Variants in OPCML observed in about 807,000 individuals in gnomAD.
OPCML encodes the protein opioid binding protein/cell adhesion molecule like, also known as opioid-binding protein/cell adhesion molecule.
A neutral mutation model predicts 37.8 loss-of-function variants in OPCML; 13 were observed. That is an observed-to-expected ratio of 0.34 (90% CI 0.22 to 0.55). OPCML has a LOEUF of 0.55. Among genes scored for constraint, OPCML ranks in the 20% least tolerant of loss-of-function variants. The pLI is 0.91. For missense variants in OPCML, 341 were observed against 435.6 expected (o/e 0.78, Z 1.93); for synonymous variants, 176 against 168.8 (o/e 1.04, Z -0.33).
chr11:133,479,635 G>A (rs1055282150), intron 1 of OPCML, among the ~76,000 whole-genome samples: 41 of 152,158 alleles, frequency 2.7e-4, no homozygotes, highest in Admixed American at 6.5e-5. Context: ...CAGGTCAAGC[G>A]TCACACAATT....
chr11:133,393,950 C>T (rs570161299), intron 1 of OPCML, among the ~76,000 whole-genome samples: 1 of 152,342 alleles, frequency 6.6e-6, no homozygotes, highest in East Asian at 1.9e-4. Flanking sequence ...CCAAGTGGCC[C>T]AGGCCTGAGG....
At chr11:132,510,685 T>G (rs2096266964) in intron 4 of OPCML, among the ~76,000 whole-genome samples, 1 of 152,212 alleles carries the variant, frequency 6.6e-6, no homozygotes, top group African/African-American at 2.4e-5. Flanking sequence ...CTTGCCATGA[T>G]TCTGAGGCTT....
At chr11:132,963,436 C>CA (rs1946137630) in intron 1 of OPCML, among the ~76,000 whole-genome samples, 1 of 151,728 alleles carries the variant, frequency 6.6e-6, no homozygotes, top group South Asian at 2.1e-4. Flanking sequence ...CTAAAAAATA[C>CA]AAAAAATTAG....
intron 2 of OPCML, among the ~76,000 whole-genome samples, chr11:132,885,821 C>T (rs1322777596): frequency 6.6e-6 from 1 of 152,130 alleles, no homozygotes; most frequent in Admixed American, 6.5e-5. Flanking sequence ...ATAAATTTCT[C>T]TTGGCATGTA....
At chr11:133,367,276 C>T (rs961032495) in intron 1 of OPCML, among the ~76,000 whole-genome samples, 1 of 152,186 alleles carries the variant, frequency 6.6e-6, no homozygotes, top group Non-Finnish European at 1.5e-5. Context: ...CACACCCAGC[C>T]GGAATGCAGG....
rs774267869 is a variant in OPCML, at chr11:133,174,825, G to T, written c.62-231815C>A. 2.6e-5 allele frequency among the ~76,000 whole-genome samples: 4 copies of T among 152,152 alleles called. No homozygotes were observed. The highest frequency in any genetic ancestry group is 5.9e-5 in the Non-Finnish European group (4 of 68,036). ...GTATACTTCGTGTGCACTAGAAAAA[G>T]AGTACTTTAAAATAACCTGTAATCC... On this transcript the variant is annotated intron_variant, in intron 1 of 7. Transcript: ENST00000524381. This position sits in a 1 kb window ranked among gnomAD's most constrained non-coding sequence, Gnocchi z 4.6.
intron 3 of OPCML, among the ~76,000 whole-genome samples, chr11:132,554,878 T>G (rs1457043926): frequency 7.3e-6 from 1 of 137,896 alleles, no homozygotes; most frequent in African/African-American, 2.7e-5. Flanking sequence ...TTTTTTTTTT[T>G]TTTTTTTTTT....
intron 1 of OPCML, among the ~76,000 whole-genome samples, chr11:133,464,214 A>G (rs527389643): frequency 1.3e-5 from 2 of 152,320 alleles, no homozygotes; most frequent in South Asian, 4.1e-4. Flanking sequence ...GCAAAACTCC[A>G]ACATTTAAAG....
intron 4 of OPCML, among the ~76,000 whole-genome samples, chr11:132,470,776 G>T (rs781415480): frequency 1.3e-5 from 2 of 152,152 alleles, no homozygotes; most frequent in African/African-American, 2.4e-5. Context: ...AACCCAGATT[G>T]TCTGGTTCCC....
At chr11:132,813,509 G>A (rs1939463336) in intron 2 of OPCML, among the ~76,000 whole-genome samples, 1 of 152,110 alleles carries the variant, frequency 6.6e-6, no homozygotes, top group Non-Finnish European at 1.5e-5. Flanking sequence ...CCCATCATCA[G>A]CACCACGGTG....
intron 3 of OPCML, among the ~76,000 whole-genome samples, chr11:132,609,663 G>A (rs1211604268): frequency 6.6e-6 from 1 of 152,148 alleles, no homozygotes; most frequent in South Asian, 2.1e-4. Context: ...ACCCATCCAG[G>A]AAAGCTTTCT....
intron 1 of OPCML, chr11:133,421,197 G>T (rs1945878692): frequency 2.0e-6 from 2 of 985,286 alleles, no homozygotes; most frequent in African/African-American, 3.5e-5. Flanking sequence ...CAGTTGCAAG[G>T]GAAAGAGCAA....
At chr11:132,506,997 A>G (rs2096258489) in intron 4 of OPCML, among the ~76,000 whole-genome samples, 1 of 152,074 alleles carries the variant, frequency 6.6e-6, no homozygotes, top group Non-Finnish European at 1.5e-5. Context: ...AGACTAATAC[A>G]AATCTTTTTT....
intron 4 of OPCML, among the ~76,000 whole-genome samples, chr11:132,500,774 A>G (rs2096243845): frequency 6.6e-6 from 1 of 151,620 alleles, no homozygotes; most frequent in African/African-American, 2.4e-5. Flanking sequence ...CTCATTGTTC[A>G]TCTCCCACTT....
intron 2 of OPCML, among the ~76,000 whole-genome samples, chr11:132,893,021 C>T (rs1428788040): frequency 1.3e-5 from 2 of 152,178 alleles, no homozygotes; most frequent in Non-Finnish European, 2.9e-5. Flanking sequence ...ATAATTCCTT[C>T]CTTCTCACTC....
At chr11:132,476,577 A>G (rs1565594828) in intron 4 of OPCML, among the ~76,000 whole-genome samples, 1 of 152,192 alleles carries the variant, frequency 6.6e-6, no homozygotes, top group Non-Finnish European at 1.5e-5. Flanking sequence ...ATTCTCAGCA[A>G]ACTATCACAA....
At chr11:132,566,263 G>A (rs192405965) in intron 3 of OPCML, among the ~76,000 whole-genome samples, 2 of 152,276 alleles carry the variant, frequency 1.3e-5, no homozygotes, top group Admixed American at 1.3e-4. Context: ...AAACCATACT[G>A]TTGTATATGT....
At chr11:133,452,333 ATT>A (rs1946595722) in intron 1 of OPCML, among the ~76,000 whole-genome samples, 1 of 151,664 alleles carries the variant, frequency 6.6e-6, no homozygotes, top group Non-Finnish European at 1.5e-5. Flanking sequence ...TTAATAATTC[ATT>A]TTGTCTTTTA....
At chr11:132,541,624 C>G (rs573512284) in intron 3 of OPCML, among the ~76,000 whole-genome samples, 1 of 152,012 alleles carries the variant, frequency 6.6e-6, no homozygotes, top group South Asian at 2.1e-4. Context: ...TTATGGAAAC[C>G]CTACATGGCA....
Sources: gnomAD v4.1 joint callset for allele counts (sites outside exome capture counted in the v4.1 genomes callset) on GRCh38, gnomAD v4.1.1 for gene constraint, Gnocchi (gnomAD v3.1) non-coding constraint, MANE v1.5 for transcripts, NCBI Gene and HGNC (gene_info 2026-07-23, HGNC 2026-07-21) for gene names.